Variants in SEMA6D observed in about 807,000 individuals in gnomAD.
The protein encoded by SEMA6D is semaphorin-6D.
SEMA6D carries 35 observed loss-of-function variants against 106.6 expected under a neutral mutation model. That is an observed-to-expected ratio of 0.33 (90% confidence interval 0.25 to 0.44). The LOEUF is 0.44. Ranked by LOEUF, SEMA6D falls within the 20% of genes least tolerant of loss-of-function variation. The probability of loss-of-function intolerance (pLI) is 1.00; values close to 1 mark genes in which losing one functional copy is unlikely to be tolerated. For missense variants in SEMA6D, 1,185 were observed against 1,345.9 expected, an observed-to-expected ratio of 0.88 and a Z score of 1.87; for synonymous variants, 499 against 487.7, an observed-to-expected ratio of 1.02 and a Z score of -0.31.
intron 1 of SEMA6D, among the ~76,000 whole-genome samples, chr15:47,354,693 G>A (rs1595807223): frequency 6.6e-6 from 1 of 151,816 alleles, no homozygotes; most frequent in African/African-American, 2.4e-5. Context: ...CAGCTGAATG[G>A]TGCCCACAGT....
chr15:47,275,927 C>T (rs1055918933), intron 1 of SEMA6D, among the ~76,000 whole-genome samples: 1 of 152,134 alleles, frequency 6.6e-6, no homozygotes, highest in Non-Finnish European at 1.5e-5. Flanking sequence ...AAAAGTTCTA[C>T]TCCATTGAAC....
intron 3 of SEMA6D, among the ~76,000 whole-genome samples, chr15:47,476,091 G>A (rs1489787700): frequency 6.6e-6 from 1 of 152,164 alleles, no homozygotes; most frequent in African/African-American, 2.4e-5. Context: ...TCCAGGCAGA[G>A]GAAGTAGGTT....
Position 47,771,174 on chromosome 15 carries a change from C to T in SEMA6D, c.2611C>T (p.Arg871Cys), listed in dbSNP as rs760822579. The change falls in exon 19 of 19, where the codon CGT becomes TGT. Residue 871 changes from arginine to cysteine, a missense_variant. By Grantham distance (180) the Arg-to-Cys change is radical. Around this residue, in one of 3 missense-constraint regions of SEMA6D, gnomAD observed 750 missense variants for 783.5 expected, o/e 0.96. Transcript: ENST00000536845. ...GTCATCCAGTAAGAGAGATCACCGG[C>T]GTTCTGTTGATTCCAGAAATACCCT... ...TKSSSKRDHRRSVDSRNTLND... is the reference protein window; with the variant it reads ...TKSSSKRDHRCSVDSRNTLND... 27 of 1,613,950 alleles carry T rather than the reference C, an allele frequency of 1.7e-5. No individual in the cohort carries two copies. Among genetic ancestry groups the T allele is most frequent in the South Asian group, 1.1e-4 (10 of 91,086 alleles).
chr15:47,443,822 T>C (rs2041949748), intron 2 of SEMA6D, among the ~76,000 whole-genome samples: 2 of 152,102 alleles, frequency 1.3e-5, no homozygotes, highest in Admixed American at 6.6e-5. Flanking sequence ...TCAGGCTGTT[T>C]TGGGAAATTA....
At chr15:47,612,842 A>C (rs1341926393) in intron 4 of SEMA6D, among the ~76,000 whole-genome samples, 1 of 152,142 alleles carries the variant, frequency 6.6e-6, no homozygotes. Flanking sequence ...GATATCAAAC[A>C]ATTGTTCTCT....
At chr15:47,427,488 T>C (rs1438862191) in intron 2 of SEMA6D, among the ~76,000 whole-genome samples, 1 of 152,216 alleles carries the variant, frequency 6.6e-6, no homozygotes, top group Non-Finnish European at 1.5e-5. Flanking sequence ...CATGGAATTA[T>C]GATTCAGTGG....
At chr15:47,618,967 G>C (rs2077054065) in intron 4 of SEMA6D, among the ~76,000 whole-genome samples, 1 of 152,216 alleles carries the variant, frequency 6.6e-6, no homozygotes. Context: ...TTTCCAGAGG[G>C]AGGTAAAGCT....
At chr15:47,319,660 G>T (rs1022737285) in intron 1 of SEMA6D, among the ~76,000 whole-genome samples, 1 of 152,000 alleles carries the variant, frequency 6.6e-6, no homozygotes, top group South Asian at 2.1e-4. Flanking sequence ...GGTTAGCTTC[G>T]GGTTAATTCG....
At position 47,268,744 on chromosome 15, in the gene SEMA6D, G is replaced by A. The variant is rs919634507; in HGVS notation, c.-239+84326G>A. 8.5e-5 allele frequency among the ~76,000 whole-genome samples: 13 copies of A among 152,080 alleles called. No individual in the cohort carries two copies. In the South Asian group the frequency reaches 1.9e-3, roughly 22 times the overall value. On this transcript the variant is annotated intron_variant, in intron 1 of 19. Coordinates refer to the SEMA6D transcript ENST00000558014. ...TAGTGAACAATTCTTAGGATTTGTG[G>A]ACTTTCTTTTCTTAATACTAATTTT...
At chr15:47,652,476 G>T (rs780460220) in intron 4 of SEMA6D, among the ~76,000 whole-genome samples, 2 of 152,090 alleles carry the variant, frequency 1.3e-5, no homozygotes, top group African/African-American at 4.8e-5. Context: ...CCGCCTGCCC[G>T]CTCCGCTCCC....
intron 2 of SEMA6D, among the ~76,000 whole-genome samples, chr15:47,453,424 G>A (rs1025305778): frequency 6.6e-6 from 1 of 151,912 alleles, no homozygotes; most frequent in African/African-American, 2.4e-5. Flanking sequence ...ATCTGTAGAG[G>A]TTATGACAAC....
chr15:47,674,344 G>A (rs1331293711), intron 4 of SEMA6D, among the ~76,000 whole-genome samples: 3 of 152,192 alleles, frequency 2.0e-5, no homozygotes, highest in African/African-American at 4.8e-5. Flanking sequence ...TGGGAAAAGC[G>A]ACTGATTCCT....
At chr15:47,281,771 A>G (rs530810532) in intron 1 of SEMA6D, among the ~76,000 whole-genome samples, 19 of 152,268 alleles carry the variant, frequency 1.2e-4, no homozygotes, top group South Asian at 6.2e-4. Flanking sequence ...ATTTACTGCA[A>G]TCTTTGCTTT....
chr15:47,380,918 G>T (rs1472740275), intron 1 of SEMA6D, among the ~76,000 whole-genome samples: 1 of 152,212 alleles, frequency 6.6e-6, no homozygotes, highest in Admixed American at 6.5e-5. Flanking sequence ...AAAATAGTTG[G>T]AGGTGATCAT....
At chr15:47,708,296 T>C (rs1277502846) in intron 4 of SEMA6D, among the ~76,000 whole-genome samples, 2 of 152,204 alleles carry the variant, frequency 1.3e-5, no homozygotes, top group East Asian at 3.8e-4. Context: ...GTTACTTGCC[T>C]CCAAGAACAC....
intron 1 of SEMA6D, among the ~76,000 whole-genome samples, chr15:47,189,348 A>G (rs958937126): frequency 2.0e-5 from 3 of 152,198 alleles, no homozygotes; most frequent in Non-Finnish European, 4.4e-5. Context: ...ACTTAAATAC[A>G]GTAGTTAACG....
Position 47,632,632 on chromosome 15 carries a change from T to A in SEMA6D, c.-55+31736T>A, listed in dbSNP as rs115115164. On this transcript the variant is annotated intron_variant, in intron 4 of 19. Coordinates refer to the SEMA6D transcript ENST00000558014. ...ACTAATTTTCATAGAATATCTTGTT[T>A]ATATTTTTATTTTCAACCTTCCTAT... is the stretch of plus-strand genomic sequence containing the variant. Among the ~76,000 whole-genome samples, 151 of 152,182 alleles carry A rather than the reference T, an allele frequency of 9.9e-4. 1 individual carries two copies. The highest frequency in any genetic ancestry group is 3.5e-3 in the African/African-American group (144 of 41,570).
At position 47,664,826 on chromosome 15, in the gene SEMA6D, C is replaced by T. The variant is rs959429467; in HGVS notation, c.-55+63930C>T. ...CAAAGCTCATCTTGAGAATTGAGTT[C>T]CCCCAATCAACTCTGCATGCAGTTC... On this transcript the variant is annotated intron_variant, in intron 4 of 19. Coordinates refer to the SEMA6D transcript ENST00000558014. Among the ~76,000 whole-genome samples the T allele has an allele frequency of 2.6e-5, 4 of 152,290 alleles. No homozygotes were observed. The East Asian group carries it at 7.7e-4, about 29-fold the overall frequency.
intron 3 of SEMA6D, among the ~76,000 whole-genome samples, chr15:47,511,970 C>A (rs2044249100): frequency 6.6e-6 from 1 of 152,170 alleles, no homozygotes; most frequent in Non-Finnish European, 1.5e-5. Flanking sequence ...ATGACTGTTA[C>A]ATTATTTAAA....
Sources: gnomAD v4.1 joint callset for allele counts (sites outside exome capture counted in the v4.1 genomes callset) on GRCh38, gnomAD v4.1.1 for gene constraint, gnomAD v4.1.1 regional missense constraint, MANE v1.5 for transcripts, NCBI Gene and HGNC (gene_info 2026-07-23, HGNC 2026-07-21) for gene names.